FRMPD4: variants seen among roughly 807,000 people sequenced by gnomAD.
FRMPD4 encodes FERM and PDZ domain containing 4.
In FRMPD4, 22 loss-of-function variants were observed where a neutral mutation model predicts 94.1. That is an observed-to-expected ratio of 0.23 (90% confidence interval 0.17 to 0.33). The LOEUF is 0.33. Among genes scored for constraint, FRMPD4 ranks in the 10% least tolerant of loss-of-function variants. FRMPD4 has a pLI of 1.00. For missense variants in FRMPD4, 1,111 were observed against 1,339.9 expected, an observed-to-expected ratio of 0.83 and a Z score of 2.67; for synonymous variants, 631 against 548.6, an observed-to-expected ratio of 1.15 and a Z score of -2.10.
At chrX:12,232,123 A>C (rs2057016887) in intron 1 of FRMPD4, among the ~76,000 whole-genome samples, 1 of 111,465 alleles carries the variant, frequency 9.0e-6, no homozygotes, top group Non-Finnish European at 1.9e-5. Context: ...GAGAGAGAAA[A>C]GTGGGAGAGG....
At chrX:12,653,214 C>A (rs760315281) in intron 4 of FRMPD4, among the ~76,000 whole-genome samples, 1 of 111,688 alleles carries the variant, frequency 9.0e-6, no homozygotes, top group Non-Finnish European at 1.9e-5. Flanking sequence ...AAAAAAAATG[C>A]GAGCAATATT....
chrX:12,014,477 G>A (rs1326961348), intron 3 of FRMPD4, among the ~76,000 whole-genome samples: 1 of 111,999 alleles, frequency 8.9e-6, no homozygotes, highest in East Asian at 2.8e-4. Flanking sequence ...ACTTCTGCAA[G>A]CTAAAACATT....
chrX:12,197,561 G>A (rs1409159951), intron 1 of FRMPD4, among the ~76,000 whole-genome samples: 1 of 111,422 alleles, frequency 9.0e-6, no homozygotes, highest in Non-Finnish European at 1.9e-5. Context: ...GTGGATGATG[G>A]CACTTCTAGT....
chrX:12,176,182 A>G (rs1332179519), intron 1 of FRMPD4, among the ~76,000 whole-genome samples: 2 of 112,257 alleles, frequency 1.8e-5, no homozygotes, highest in African/African-American at 6.5e-5. Context: ...ATCCCCAGAG[A>G]TTCAGATTAA....
At chrX:12,346,413 T>C (rs1048333108) in intron 1 of FRMPD4, among the ~76,000 whole-genome samples, 1 of 110,885 alleles carries the variant, frequency 9.0e-6, no homozygotes, top group African/African-American at 3.3e-5. Flanking sequence ...TTAGAAAGAG[T>C]CCTGGGTTGA....
chrX:12,446,394 A>G (rs1446920489), intron 1 of FRMPD4, among the ~76,000 whole-genome samples: 1 of 112,130 alleles, frequency 8.9e-6, no homozygotes, highest in East Asian at 2.8e-4. Context: ...ATTGAAAAAC[A>G]TTATTTAGAG....
rs1179521825 is a variant in FRMPD4, at chrX:12,720,732, G to A, written c.4163G>A (p.Arg1388Lys). The A allele has an allele frequency of 3.5e-5, 37 of 1,067,354 alleles. No homozygotes were observed. Among genetic ancestry groups the A allele is most frequent in the East Asian group, 6.9e-5 (2 of 28,918 alleles). The allele number at this position is 1,067,354 out of a possible 1,213,427, so 88.0% of individuals were successfully genotyped here. ...EAVSWRPPDL[R>K]GGSLRTPPSQ... ...GTGAGCTGGCGGCCACCGGATCTGA[G>A]AGGGGGGAGCCTCAGGACACCTCCC... is the stretch of plus-strand genomic sequence containing the variant. The change falls in exon 17 of 17, where the codon AGA becomes AAA. Residue 1388 changes from arginine to lysine, a missense_variant. Physicochemically the swap from Arg to Lys is conservative, Grantham distance 26. Around this residue, in one of 8 missense-constraint regions of FRMPD4, gnomAD observed 551 missense variants for 591.6 expected, o/e 0.93. Transcript: ENST00000675598.
chrX:12,363,466 C>T (rs1160599695), intron 1 of FRMPD4, among the ~76,000 whole-genome samples: 2 of 112,379 alleles, frequency 1.8e-5, no homozygotes, highest in Non-Finnish European at 3.8e-5. Context: ...AGATCAGCTA[C>T]TAGCTGACAC....
intron 1 of FRMPD4, among the ~76,000 whole-genome samples, chrX:12,221,931 A>G (rs1001724195): frequency 8.9e-6 from 1 of 112,475 alleles, no homozygotes; most frequent in African/African-American, 3.2e-5. Flanking sequence ...TGAAGATTTT[A>G]TAATGTAAAG....
chrX:11,924,996 C>T (rs952199134), intron 3 of FRMPD4, among the ~76,000 whole-genome samples: 1 of 111,101 alleles, frequency 9.0e-6, no homozygotes, highest in African/African-American at 3.3e-5. Context: ...AGTATGCTGT[C>T]CTCAAGAGAC....
At chrX:12,686,676 A>T (rs928335619) in intron 7 of FRMPD4, among the ~76,000 whole-genome samples, 16 of 112,128 alleles carry the variant, frequency 1.4e-4, no homozygotes, top group African/African-American at 5.2e-4. Flanking sequence ...TAATTTCTGT[A>T]ACCAATTTCA....
intron 1 of FRMPD4, among the ~76,000 whole-genome samples, chrX:12,419,257 C>T (rs2056851533): frequency 9.0e-6 from 1 of 111,183 alleles, no homozygotes; most frequent in Non-Finnish European, 1.9e-5. Context: ...TTTCCTGTCT[C>T]GGACAAAGCA....
intron 3 of FRMPD4, among the ~76,000 whole-genome samples, chrX:12,021,953 G>A (rs1162222636): frequency 8.9e-6 from 1 of 112,243 alleles, no homozygotes; most frequent in Non-Finnish European, 1.9e-5. Flanking sequence ...GACAGCCTCT[G>A]CTCTGGTGCT....
At chrX:12,409,494 T>C (rs140631764) in intron 1 of FRMPD4, among the ~76,000 whole-genome samples, 1,427 of 112,004 alleles carry the variant, frequency 0.013, 23 homozygotes, top group African/African-American at 0.043. Flanking sequence ...TTGAAGACAA[T>C]AGAACTTTGG....
At chrX:11,885,567 T>G (rs777290866) in intron 3 of FRMPD4, among the ~76,000 whole-genome samples, 33 of 111,529 alleles carry the variant, frequency 3.0e-4, no homozygotes, top group Admixed American at 1.9e-4. Context: ...TAAACATTTT[T>G]TAAATGTTAA....
At chrX:12,259,229 A>G (rs1275589811) in intron 1 of FRMPD4, among the ~76,000 whole-genome samples, 2 of 111,651 alleles carry the variant, frequency 1.8e-5, no homozygotes, top group South Asian at 3.7e-4. Context: ...GGGTGCGTCC[A>G]TTCTAGCCAT....
intron 3 of FRMPD4, among the ~76,000 whole-genome samples, chrX:11,884,699 C>T (rs1219767544): frequency 1.8e-5 from 2 of 111,090 alleles, no homozygotes; most frequent in Non-Finnish European, 3.8e-5. Flanking sequence ...AATTGAGTTA[C>T]CCTTTGAGAC....
intron 1 of FRMPD4, among the ~76,000 whole-genome samples, chrX:12,139,551 T>TG (rs368733965): frequency 0.01 from 835 of 81,621 alleles, 12 homozygotes; most frequent in Admixed American, 0.04. Context: ...TTTTTTTTTT[T>TG]GGGGGGGGGG....
At chrX:12,266,023 T>C (rs1371249384) in intron 1 of FRMPD4, among the ~76,000 whole-genome samples, 2 of 104,151 alleles carry the variant, frequency 1.9e-5, no homozygotes, top group Non-Finnish European at 3.9e-5. Flanking sequence ...GTCCCAGCTA[T>C]TCGGGAGCCT....
Sources: allele counts gnomAD v4.1 joint callset (sites outside exome capture counted in the v4.1 genomes callset), GRCh38; gene constraint gnomAD v4.1.1; regional missense constraint gnomAD v4.1.1; transcripts MANE v1.5; gene names NCBI Gene and HGNC (gene_info 2026-07-23, HGNC 2026-07-21).